The following CACNA1A variants were observed in gnomAD, a reference collection of about 807,000 sequenced individuals.
The protein encoded by CACNA1A is voltage-dependent P/Q-type calcium channel subunit alpha-1A.
CACNA1A carries 57 observed loss-of-function variants against 262.4 expected under a neutral mutation model. That is an observed-to-expected ratio of 0.22 (90% confidence interval 0.18 to 0.27). CACNA1A has a LOEUF of 0.27. CACNA1A is among the 10% of genes least tolerant of loss of function. The probability of loss-of-function intolerance (pLI) is 1.00; values close to 1 mark genes in which losing one functional copy is unlikely to be tolerated. For missense variants in CACNA1A, 2,526 were observed against 3,562.8 expected (o/e 0.71, Z 7.41); for synonymous variants, 1,431 against 1,419.3 (o/e 1.01, Z -0.18).
At chr19:13,419,360 G>A (rs1017778481) in intron 3 of CACNA1A, among the ~76,000 whole-genome samples, 2 of 152,148 alleles carry the variant, frequency 1.3e-5, no homozygotes, top group South Asian at 2.1e-4. Flanking sequence ...TGACAAAATC[G>A]CCTATTGACT....
Position 13,298,774 on chromosome 19 carries a change from C to T in CACNA1A, c.2859G>A (p.Gly953=). Residue 953 remains glycine, a synonymous_variant, in exon 19 of 47, where the codon GGG becomes GGA. Coordinates refer to ENST00000360228, the MANE Select transcript of CACNA1A (RefSeq NM_001127222.2). ...GGTGCGCGCGATGACGTCGATGCTC[C>T]CCGTCCGCGCCCGTGCGCGGGGACC... is the stretch of plus-strand genomic sequence containing the variant. ...RSGSPRTGAD[G]EHRRHRAHRR... 6.6e-7 allele frequency: 1 copy of T among 1,525,878 alleles called. No individual in the cohort carries two copies. Among genetic ancestry groups the T allele is most frequent in the Non-Finnish European group, 8.7e-7 (1 of 1,146,088 alleles). The allele number at this position is 1,525,878 out of a possible 1,614,324, so 94.5% of individuals were successfully genotyped here.
chr19:13,455,779 A>G (rs547739031), intron 1 of CACNA1A, among the ~76,000 whole-genome samples: 114 of 150,844 alleles, frequency 7.6e-4, no homozygotes, highest in Non-Finnish European at 1.4e-3. Flanking sequence ...CTGAGGCGAG[A>G]GAATTGCTTG....
intron 24 of CACNA1A, among the ~76,000 whole-genome samples, chr19:13,267,294 G>A (rs1316496180): frequency 6.6e-6 from 1 of 152,158 alleles, no homozygotes; most frequent in Non-Finnish European, 1.5e-5. Context: ...GAGCACCCCC[G>A]AGTCCCGCCC....
intron 3 of CACNA1A, among the ~76,000 whole-genome samples, chr19:13,386,037 G>A (rs56107506): frequency 0.09 from 13,679 of 151,944 alleles, 623 homozygotes; most frequent in Middle Eastern, 0.13. Context: ...CACTCCTCCA[G>A]CTGCTCGTGA....
chr19:13,354,869 CTTTTTTTTTTT>C (rs56350383), intron 6 of CACNA1A, among the ~76,000 whole-genome samples: 32 of 115,056 alleles, frequency 2.8e-4, no homozygotes, highest in Admixed American at 3.7e-4. Flanking sequence ...TTTTCTTTTT[CTTTTTTTTTTT>C]TTTTTTTTTT....
chr19:13,459,924 G>T (rs934536304), intron 1 of CACNA1A, among the ~76,000 whole-genome samples: 11 of 152,164 alleles, frequency 7.2e-5, no homozygotes, highest in Non-Finnish European at 1.3e-4. Flanking sequence ...CAGACCCAGG[G>T]CTCTCTGGGT....
At chr19:13,278,176 G>T (rs770467669) in intron 22 of CACNA1A, among the ~76,000 whole-genome samples, 1 of 151,128 alleles carries the variant, frequency 6.6e-6, no homozygotes, top group Non-Finnish European at 1.5e-5. Flanking sequence ...GAACACCAAA[G>T]AAGTCAGGCA....
Position 13,443,100 on chromosome 19 carries a change from T to C in CACNA1A, c.539+9776A>G, listed in dbSNP as rs575321616. On this transcript the variant is annotated intron_variant, in intron 3 of 46. Coordinates refer to ENST00000360228, the MANE Select transcript of CACNA1A (RefSeq NM_001127222.2). The stretch of plus-strand genomic sequence containing the variant: ...CGGGGTCTCACCCTGTCACCCAGCC[T>C]GGAGTGCAATAGTGTGTGTGCATTA... Among the ~76,000 whole-genome samples, 3 of 152,304 alleles carry C rather than the reference T, an allele frequency of 2.0e-5. No individual in the cohort carries two copies. The South Asian group carries it at 6.2e-4, about 32-fold the overall frequency.
At position 13,298,941 on chromosome 19, in the gene CACNA1A, C is replaced by G. The variant is rs751726770; in HGVS notation, c.2692G>C (p.Gly898Arg). The change falls in exon 19 of 47, where the codon GGC becomes CGC. Residue 898 changes from glycine (G) to arginine (R), a missense_variant. Physicochemically the swap from Gly to Arg is moderately radical, Grantham distance 125. Around this residue, in one of 17 missense-constraint regions of CACNA1A, gnomAD observed 765 missense variants for 748.6 expected, o/e 1.02. Transcript: ENST00000360228. ...CGGGCGTGGTGGTCCGACTCGCGGC[C>G]GTAGGGTCCCTCCCGGCTCAGCTCG... ...EAELSREGPY[G>R]RESDHHAREG... 1 of 1,592,848 alleles carries G rather than the reference C, an allele frequency of 6.3e-7. No homozygotes were observed. The highest frequency in any genetic ancestry group is 1.7e-5 in the Admixed American group (1 of 59,342).
In CACNA1A at chr19:13,214,677, A is replaced by G; in HGVS notation, c.5732-69T>C. The stretch of plus-strand genomic sequence containing the variant: ...TCAGCTGGACTCTGGGTCAGCTGCA[A>G]AGCCATAGGCTCCCGAGAACGAGAC... On this transcript the variant is annotated intron_variant, in intron 38 of 46. Coordinates refer to ENST00000360228, the MANE Select transcript of CACNA1A (RefSeq NM_001127222.2). This position sits in a 1 kb window ranked among gnomAD's most constrained non-coding sequence, Gnocchi z 4.1. 1 of 1,230,892 alleles carries G rather than the reference A, an allele frequency of 8.1e-7. No individual in the cohort carries two copies. Among genetic ancestry groups the G allele is most frequent in the South Asian group, 1.3e-5 (1 of 79,662 alleles). The allele number at this position is 1,230,892 out of a possible 1,614,324, so 76.2% of individuals were successfully genotyped here.
rs1370376657 is a variant in CACNA1A, at chr19:13,235,051, G to A, written c.5134-15C>T. ...TTACCAAACACCTGTGGAATTGGAGGGTGACGACCAGGGGCTGCCATTCCT... is the reference window on the plus strand; with the variant it reads ...TTACCAAACACCTGTGGAATTGGAGAGTGACGACCAGGGGCTGCCATTCCT... On this transcript the variant is annotated splice_polypyrimidine_tract_variant and intron_variant, in intron 33 of 46. Coordinates refer to ENST00000360228, the MANE Select transcript of CACNA1A (RefSeq NM_001127222.2). 3.1e-6 allele frequency: 5 copies of A among 1,594,914 alleles called. No homozygotes were observed. The East Asian group carries it at 8.9e-5, about 28-fold the overall frequency.
chr19:13,470,420 T>C (rs1472427336), intron 1 of CACNA1A, among the ~76,000 whole-genome samples: 1 of 152,198 alleles, frequency 6.6e-6, no homozygotes, highest in Non-Finnish European at 1.5e-5. Flanking sequence ...TTCTTAATGT[T>C]GTTCTAGTTT....
rs570604996 is a variant in CACNA1A at position 13,475,005 on chromosome 19, A to C, written c.294-19793T>G. Among the ~76,000 whole-genome samples the C allele has an allele frequency of 1.6e-4, 24 of 152,326 alleles. 1 individual carries two copies. The South Asian group carries it at 5.0e-3, about 32-fold the overall frequency. ...GTCAAACACTTCTCACATTTTATTC[A>C]AGATTGAAAAACAGGAAAATTAGAA... is the stretch of plus-strand genomic sequence containing the variant. On this transcript the variant is annotated intron_variant, in intron 1 of 46. Coordinates refer to ENST00000360228, the MANE Select transcript of CACNA1A (RefSeq NM_001127222.2).
intron 6 of CACNA1A, among the ~76,000 whole-genome samples, chr19:13,349,054 A>G (rs1416030627): frequency 6.7e-6 from 1 of 149,904 alleles, no homozygotes; most frequent in Admixed American, 6.6e-5. Context: ...AGAGGGAAAA[A>G]GAAAGAGTCA....
chr19:13,478,237 T>C (rs187723097), intron 1 of CACNA1A, among the ~76,000 whole-genome samples: 6 of 152,322 alleles, frequency 3.9e-5, no homozygotes, highest in Non-Finnish European at 7.3e-5. Flanking sequence ...TGAAGTCTAA[T>C]TCAGACTTGG....
At chr19:13,381,294 A>T (rs543544664) in intron 3 of CACNA1A, among the ~76,000 whole-genome samples, 18 of 152,142 alleles carry the variant, frequency 1.2e-4, no homozygotes, top group Non-Finnish European at 2.4e-4. Flanking sequence ...GCTACTCGGG[A>T]GGCTGTTGGT....
chr19:13,405,367 T>C (rs185393611), intron 3 of CACNA1A, among the ~76,000 whole-genome samples: 21 of 152,022 alleles, frequency 1.4e-4, no homozygotes, highest in Non-Finnish European at 1.5e-5. Flanking sequence ...TAATTATTTG[T>C]ATTTTTATTT....
chr19:13,214,216 A>G lies in CACNA1A; in HGVS notation c.5940+17T>C. The G allele has an allele frequency of 3.1e-6, 5 of 1,593,766 alleles. No individual in the cohort carries two copies. Among genetic ancestry groups the G allele is most frequent in the Non-Finnish European group, 4.3e-6 (5 of 1,172,200 alleles). On this transcript the variant is annotated intron_variant, in intron 40 of 46. Coordinates refer to ENST00000360228, the MANE Select transcript of CACNA1A (RefSeq NM_001127222.2). This position sits in a 1 kb window ranked among gnomAD's most constrained non-coding sequence, Gnocchi z 4.1. ...CTGTCCCCAGCCCAGATGTCCCCAG[A>G]GCGGCGAACAGCGCACCTGCTCCTC...
chr19:13,444,865 C>T (rs558670770), intron 3 of CACNA1A, among the ~76,000 whole-genome samples: 104 of 152,168 alleles, frequency 6.8e-4, no homozygotes, highest in African/African-American at 5.1e-4. Flanking sequence ...CGGCCCGGTG[C>T]GGTGGCTCAC....
Sources: gnomAD v4.1 joint callset for allele counts (sites outside exome capture counted in the v4.1 genomes callset) on GRCh38, gnomAD v4.1.1 for gene constraint, gnomAD v4.1.1 regional missense constraint, Gnocchi (gnomAD v3.1) non-coding constraint, MANE v1.5 for transcripts, NCBI Gene and HGNC (gene_info 2026-07-23, HGNC 2026-07-21) for gene names.